The following RSRC1 variants were observed in gnomAD, a reference collection of about 807,000 sequenced individuals.
RSRC1 encodes the protein arginine and serine rich coiled-coil 1, also known as serine/Arginine-related protein 53.
Under a neutral mutation model 49.1 loss-of-function variants are expected in RSRC1, and 39 were observed. The observed-to-expected ratio is 0.79, with a 90% confidence interval of 0.61 to 1.04. The LOEUF (loss-of-function observed/expected upper bound fraction) is 1.04, where lower values mean the gene tolerates loss of function less well. RSRC1 is among the 50% of genes least tolerant of loss of function. The pLI is 0.00. For synonymous variants in RSRC1, 143 were observed against 130.8 expected (o/e 1.09, Z -0.63); for missense variants, 388 against 402.4 (o/e 0.96, Z 0.31).
intron 7 of RSRC1, among the ~76,000 whole-genome samples, chr3:158,489,612 G>A (rs1296682791): frequency 6.6e-6 from 1 of 151,684 alleles, no homozygotes; most frequent in African/African-American, 2.4e-5. Flanking sequence ...AAAAACATGG[G>A]TAGTATTTCA....
chr3:158,375,914 A>G (rs1732331540), intron 6 of RSRC1, among the ~76,000 whole-genome samples: 1 of 152,146 alleles, frequency 6.6e-6, no homozygotes, highest in African/African-American at 2.4e-5. Context: ...GGCACCAGGG[A>G]CCAGGTGGTT....
intron 7 of RSRC1, among the ~76,000 whole-genome samples, chr3:158,479,779 A>G (rs1486870002): frequency 1.3e-5 from 2 of 152,064 alleles, no homozygotes; most frequent in Non-Finnish European, 2.9e-5. Context: ...TATTGCCTGT[A>G]GGTATTAAAT....
chr3:158,251,506 A>C (rs1724206972), intron 4 of RSRC1, among the ~76,000 whole-genome samples: 1 of 152,126 alleles, frequency 6.6e-6, no homozygotes, highest in African/African-American at 2.4e-5. Context: ...CCAATATTTT[A>C]TAGTGTTCAT....
chr3:158,372,831 A>ATGG (rs1732156279), intron 6 of RSRC1, among the ~76,000 whole-genome samples: 1 of 151,900 alleles, frequency 6.6e-6, no homozygotes, highest in Non-Finnish European at 1.5e-5. Flanking sequence ...ATCCACGGAC[A>ATGG]TGGTATAGCT....
At chr3:158,174,477 G>A (rs1206460577) in intron 3 of RSRC1, among the ~76,000 whole-genome samples, 1 of 151,922 alleles carries the variant, frequency 6.6e-6, no homozygotes, top group Non-Finnish European at 1.5e-5. Flanking sequence ...TCAAGAATTA[G>A]AATGTTAAGA....
At chr3:158,301,444 A>T (rs1453197053) in intron 5 of RSRC1, among the ~76,000 whole-genome samples, 1 of 152,124 alleles carries the variant, frequency 6.6e-6, no homozygotes, top group Non-Finnish European at 1.5e-5. Flanking sequence ...TAATTTTATT[A>T]AATAGGTTAT....
At chr3:158,255,813 T>A (rs755370255) in intron 4 of RSRC1, among the ~76,000 whole-genome samples, 17 of 152,182 alleles carry the variant, frequency 1.1e-4, no homozygotes, top group Non-Finnish European at 1.9e-4. Context: ...ACTCTCTTTG[T>A]AGCAATTGTG....
intron 7 of RSRC1, among the ~76,000 whole-genome samples, chr3:158,465,518 G>C (rs1426647987): frequency 6.6e-6 from 1 of 152,132 alleles, no homozygotes; most frequent in Non-Finnish European, 1.5e-5. Flanking sequence ...GAAGTTAGCA[G>C]GTACAAGGGC....
intron 6 of RSRC1, among the ~76,000 whole-genome samples, chr3:158,408,042 T>C (rs1433480084): frequency 6.6e-6 from 1 of 152,182 alleles, no homozygotes; most frequent in Non-Finnish European, 1.5e-5. Context: ...AGCTTTCTTA[T>C]CTGTAAAATG....
rs374669882 is a variant in RSRC1, at chr3:158,172,126, G to A, written c.321-30946G>A. Among the ~76,000 whole-genome samples the A allele has an allele frequency of 3.1e-4, 47 of 152,218 alleles. No individual in the cohort carries two copies. In the South Asian group the frequency reaches 4.1e-3, roughly 13 times the overall value. ...ATTAGAGTTTCAGAACAAGAAAAGA[G>A]AGAGAATTTTGTAGAAAACATTTGA... On this transcript the variant is annotated intron_variant, in intron 3 of 9. Transcript: ENST00000611884.
intron 6 of RSRC1, among the ~76,000 whole-genome samples, chr3:158,437,592 G>T (rs554719673): frequency 6.6e-6 from 1 of 152,180 alleles, no homozygotes; most frequent in South Asian, 2.1e-4. Flanking sequence ...TGCAGAAAAG[G>T]CCTTCAATAA....
intron 3 of RSRC1, among the ~76,000 whole-genome samples, chr3:158,130,635 G>A (rs1024850202): frequency 1.3e-5 from 2 of 152,044 alleles, no homozygotes; most frequent in African/African-American, 2.4e-5. Context: ...ATTATTTTGT[G>A]TATGAAACAA....
At chr3:158,174,865 T>G (rs528129061) in intron 3 of RSRC1, among the ~76,000 whole-genome samples, 1 of 152,206 alleles carries the variant, frequency 6.6e-6, no homozygotes, top group African/African-American at 2.4e-5. Context: ...GTGTATATAC[T>G]TTGGAATGAA....
At chr3:158,126,874 TTTTTTGTTTTTGTTTTTG>T (rs139992270) in intron 3 of RSRC1, among the ~76,000 whole-genome samples, 94,559 of 150,650 alleles carry the variant, frequency 0.63, 30,119 homozygotes, top group East Asian at 0.83. Flanking sequence ...TGACAGGGTT[TTTTTTGTTTTTGTTTTTG>T]TTTTTGTTTT....
chr3:158,196,707 T>G (rs917917069), intron 3 of RSRC1, among the ~76,000 whole-genome samples: 5 of 152,328 alleles, frequency 3.3e-5, no homozygotes, highest in South Asian at 4.1e-4. Flanking sequence ...GTTTCTAGCA[T>G]GAAGCGTTGT....
chr3:158,150,008 T>C lies in RSRC1; in HGVS notation c.320+26017T>C, dbSNP rs570655093. 5.9e-5 allele frequency among the ~76,000 whole-genome samples: 9 copies of C among 152,358 alleles called. No individual in the cohort carries two copies. In the South Asian group the frequency reaches 1.9e-3, roughly 32 times the overall value. ...TTATCTTTAATATTCTACATCTCTGTTAACATTTTATTTTCAAATTAAAAG... is the reference window on the plus strand; with the variant it reads ...TTATCTTTAATATTCTACATCTCTGCTAACATTTTATTTTCAAATTAAAAG... On this transcript the variant is annotated intron_variant, in intron 3 of 9. Transcript: ENST00000611884.
At chr3:158,368,977 C>T (rs1273107281) in intron 6 of RSRC1, among the ~76,000 whole-genome samples, 1 of 151,690 alleles carries the variant, frequency 6.6e-6, no homozygotes, top group Non-Finnish European at 1.5e-5. Context: ...AAAAATATAG[C>T]CTTTATGCAT....
intron 4 of RSRC1, among the ~76,000 whole-genome samples, chr3:158,229,787 TAC>T (rs1722850734): frequency 6.6e-6 from 1 of 152,062 alleles, no homozygotes; most frequent in East Asian, 1.9e-4. Flanking sequence ...TTCTCTTGAC[TAC>T]ACACATGTAT....
At chr3:158,513,507 A>G (rs1368030503) in intron 7 of RSRC1, among the ~76,000 whole-genome samples, 2 of 152,108 alleles carry the variant, frequency 1.3e-5, no homozygotes, top group Non-Finnish European at 2.9e-5. Flanking sequence ...GTGCTGCTGG[A>G]TTCAGTTTGC....
Sources: allele counts gnomAD v4.1 joint callset (sites outside exome capture counted in the v4.1 genomes callset), GRCh38; gene constraint gnomAD v4.1.1; transcripts MANE v1.5; gene names NCBI Gene and HGNC (gene_info 2026-07-23, HGNC 2026-07-21).